LLGL2: variants seen among roughly 807,000 people sequenced by gnomAD.
LLGL2 encodes the protein LLGL2, scribble cell polarity complex component.
LLGL2 carries 81 observed loss-of-function variants against 123.2 expected under a neutral mutation model. The observed-to-expected ratio is 0.66, with a 90% CI of 0.55 to 0.79. LLGL2 has a LOEUF of 0.79. LLGL2 is among the 30% of genes least tolerant of loss of function. The probability of loss-of-function intolerance (pLI) is 0.00; values close to 1 mark genes in which losing one functional copy is unlikely to be tolerated. For synonymous variants in LLGL2, 577 were observed against 594.1 expected (o/e 0.97, Z 0.42); for missense variants, 1,273 against 1,414.6 (o/e 0.90, Z 1.61).
intron 7 of LLGL2, 28 bp downstream of exon 7, chr17:75,563,206 G>A (rs183853912): frequency 9.9e-6 from 16 of 1,611,192 alleles, no homozygotes; most frequent in African/African-American, 5.3e-5. Context: ...CATGGCAGGC[G>A]CCATGTTGCT....
intron 2 of LLGL2, 59 bp downstream of exon 2, chr17:75,543,560 G>T: frequency 7.1e-7 from 1 of 1,400,292 alleles, no homozygotes; most frequent in South Asian, 1.2e-5. Flanking sequence ...AGCTCAGGCT[G>T]GGGCTGAGGC....
chr17:75,531,832 C>A (rs1364083911), intron 1 of LLGL2, among the ~76,000 whole-genome samples: 2 of 152,148 alleles, frequency 1.3e-5, no homozygotes, highest in Non-Finnish European at 2.9e-5. Context: ...TGAATACTCA[C>A]CCCTCTCTTC....
At position 75,560,430 on chromosome 17, in the gene LLGL2, G is replaced by C. The variant is rs528607359; in HGVS notation, c.530+1020G>C. Among the ~76,000 whole-genome samples the C allele has an allele frequency of 3.1e-4, 47 of 152,180 alleles. No individual in the cohort carries two copies. In the East Asian group the frequency reaches 8.9e-3, roughly 29 times the overall value. ...AGCTGGCGGGAATCTAGTCGGCGGG[G>C]GGGCCCAAGTGCCCTGAGAGCCCCT... On this transcript the variant is annotated intron_variant, in intron 6 of 25. Coordinates refer to ENST00000392550, the MANE Select transcript of LLGL2 (RefSeq NM_001031803.2).
intron 1 of LLGL2, among the ~76,000 whole-genome samples, chr17:75,527,282 G>A (rs908300809): frequency 6.6e-6 from 1 of 152,062 alleles, no homozygotes; most frequent in African/African-American, 2.4e-5. Flanking sequence ...CTGGGATTTG[G>A]GGTTTAGTTT....
At chr17:75,528,804 A>T (rs1298760092) in intron 1 of LLGL2, among the ~76,000 whole-genome samples, 1 of 152,176 alleles carries the variant, frequency 6.6e-6, no homozygotes, top group East Asian at 1.9e-4. Context: ...TAAAAAATAG[A>T]AAAGGCAATA....
At position 75,549,885 on chromosome 17, in the gene LLGL2, A is replaced by G. The variant is rs1043689593; in HGVS notation, c.76-6161A>G. Among the ~76,000 whole-genome samples the G allele has an allele frequency of 2.6e-5, 4 of 152,244 alleles. No individual in the cohort carries two copies. Among genetic ancestry groups the G allele is most frequent in the Admixed American group, 2.6e-4 (4 of 15,288 alleles). On this transcript the variant is annotated intron_variant, in intron 2 of 25. Coordinates refer to ENST00000392550, the MANE Select transcript of LLGL2 (RefSeq NM_001031803.2). This position sits in a 1 kb window ranked among gnomAD's most constrained non-coding sequence, Gnocchi z 4.0. The stretch of plus-strand genomic sequence containing the variant: ...GACCTGGAAAGGAGTCCCAGAGCCC[A>G]GGAGAGACGGGCCTTCTCCCCTACT...
intron 1 of LLGL2, among the ~76,000 whole-genome samples, chr17:75,535,369 G>T (rs1201331760): frequency 6.6e-6 from 1 of 152,268 alleles, no homozygotes; most frequent in Non-Finnish European, 1.5e-5. Flanking sequence ...CGCCCTGAGA[G>T]CAGGCAGCTG....
At chr17:75,569,403 C>T in intron 14 of LLGL2, 78 bp downstream of exon 14, 1 of 1,183,894 alleles carries the variant, frequency 8.4e-7, no homozygotes, top group Non-Finnish European at 1.3e-6. Context: ...GAGCCAACCA[C>T]CTGCCTAACG....
chr17:75,532,800 G>A (rs1441762779), intron 1 of LLGL2, among the ~76,000 whole-genome samples: 3 of 152,162 alleles, frequency 2.0e-5, no homozygotes, highest in African/African-American at 4.8e-5. Flanking sequence ...TAAAGGCAGG[G>A]TCCACAAGGG....
intron 2 of LLGL2, among the ~76,000 whole-genome samples, chr17:75,553,370 CTTG>C (rs2054763385): frequency 6.6e-6 from 1 of 152,198 alleles, no homozygotes; most frequent in Admixed American, 6.5e-5. Flanking sequence ...AAAATAGGCA[CTTG>C]TTGGAGCTCT....
chr17:75,557,414 C>G (rs912264257), intron 3 of LLGL2, among the ~76,000 whole-genome samples: 1 of 152,188 alleles, frequency 6.6e-6, no homozygotes, highest in Non-Finnish European at 1.5e-5. Context: ...CATCTTTTAT[C>G]CAGAGCACTG....
chr17:75,560,070 C>T (rs1598600938), intron 6 of LLGL2, among the ~76,000 whole-genome samples: 1 of 152,162 alleles, frequency 6.6e-6, no homozygotes, highest in African/African-American at 2.4e-5. Flanking sequence ...GTGCTGGGCC[C>T]CTGGCCCTGC....
intron 6 of LLGL2, among the ~76,000 whole-genome samples, chr17:75,560,829 A>AC (rs2055182668): frequency 3.6e-5 from 4 of 110,966 alleles, no homozygotes; most frequent in Non-Finnish European, 7.0e-5. Flanking sequence ...AAAAAAAAAA[A>AC]AAACAAAGAA....
In LLGL2 at chr17:75,563,463, G is replaced by T; in HGVS notation, c.826G>T (p.Gly276Cys). 1 of 1,612,228 alleles carries T rather than the reference G, an allele frequency of 6.2e-7. No homozygotes were observed. The highest frequency in any genetic ancestry group is 8.5e-7 in the Non-Finnish European group (1 of 1,179,914). ...PEPLRSLVPY[G>C]PFPCKAITRI... ...GCCCCTCCGCAGCCTCGTGCCTTAC[G>T]GTCAGTGTTTCACCCGCCGGGCAGG... The change falls in exon 8 of 26, where the codon GGT (glycine) becomes TGT (cysteine). Residue 276 changes from glycine (G) to cysteine (C), a missense_variant and splice_region_variant. Coordinates refer to ENST00000392550, the MANE Select transcript of LLGL2 (RefSeq NM_001031803.2).
intron 1 of LLGL2, among the ~76,000 whole-genome samples, chr17:75,531,061 G>A (rs887683171): frequency 6.6e-6 from 1 of 152,122 alleles, no homozygotes; most frequent in African/African-American, 2.4e-5. Flanking sequence ...AGGAGTGCTT[G>A]CTGGGTACAC....
Position 75,563,225 on chromosome 17 carries a change from G to A in LLGL2, c.693+47G>A, listed in dbSNP as rs371194140. 4.5e-5 allele frequency: 72 copies of A among 1,609,972 alleles called. 4 individuals carry two copies. The highest frequency in any genetic ancestry group is 4.0e-4 in the African/African-American group (30 of 75,028). ...GCAGGCGCCATGTTGCTCTCCCAGGGCCCCAAGTGGCACATACACACTGTG... is the reference window on the plus strand; with the variant it reads ...GCAGGCGCCATGTTGCTCTCCCAGGACCCCAAGTGGCACATACACACTGTG... On this transcript the variant is annotated intron_variant, in intron 7 of 25. Transcript: ENST00000392550.
rs556637068 is a variant in LLGL2 at position 75,556,201 on chromosome 17, G to A, written c.173+58G>A. ...GGGCCTTGGGGTGGGTGAGATTTGG[G>A]GAGGGACATCTTTTCCTTCCTTGCC... On this transcript the variant is annotated intron_variant, in intron 3 of 25. Transcript: ENST00000392550. 3.7e-6 allele frequency: 5 copies of A among 1,344,420 alleles called. No homozygotes were observed. In the South Asian group the frequency reaches 4.7e-5, roughly 13 times the overall value. 83.3% of individuals were successfully genotyped at this position (1,344,420 alleles called of 1,614,324 possible).
intron 2 of LLGL2, among the ~76,000 whole-genome samples, chr17:75,551,216 G>C (rs2054656864): frequency 6.6e-6 from 1 of 152,164 alleles, no homozygotes; most frequent in African/African-American, 2.4e-5. Context: ...AAGTGCCCAA[G>C]GTGATACTAT....
intron 1 of LLGL2, among the ~76,000 whole-genome samples, chr17:75,533,453 C>T (rs1200150474): frequency 6.6e-6 from 1 of 151,584 alleles, no homozygotes; most frequent in South Asian, 2.1e-4. Context: ...TACAGGCGCC[C>T]GCCATGATGC....
Sources: allele counts gnomAD v4.1 joint callset (sites outside exome capture counted in the v4.1 genomes callset), GRCh38; gene constraint gnomAD v4.1.1; non-coding constraint Gnocchi (gnomAD v3.1); transcripts MANE v1.5; gene names NCBI Gene and HGNC (gene_info 2026-07-23, HGNC 2026-07-21).